The following BACE1 variants were observed in gnomAD, a reference collection of about 807,000 sequenced individuals.
BACE1 encodes the protein APP beta-secretase.
A neutral mutation model predicts 54.0 loss-of-function variants in BACE1; 21 were observed. The ratio of observed to expected loss-of-function variants is 0.39; its 90% confidence interval spans 0.28 to 0.56. The LOEUF is 0.56. Among genes scored for constraint, BACE1 ranks in the 20% least tolerant of loss-of-function variants. The pLI is 0.63. For synonymous variants in BACE1, 232 were observed against 260.9 expected, an observed-to-expected ratio of 0.89 and a Z score of 1.07; for missense variants, 511 against 661.2, an observed-to-expected ratio of 0.77 and a Z score of 2.49.
intron 1 of BACE1, among the ~76,000 whole-genome samples, chr11:117,307,699 T>C (rs537410162): frequency 1.3e-5 from 2 of 152,188 alleles, no homozygotes; most frequent in Non-Finnish European, 2.9e-5. Flanking sequence ...CTTAGTGCTT[T>C]TAGAGAGAGC....
Position 117,315,878 on chromosome 11 carries a change from TG to T in BACE1, c.-84del. ...GCCTGCCCCCAAGTCTGGGTGGTGC[TG>T]GTGGCTTCTCAGGAGAGGGAGCTTG... On this transcript the variant is annotated 5_prime_UTR_variant, in exon 1 of 9. Coordinates refer to ENST00000313005, the MANE Select transcript of BACE1 (RefSeq NM_012104.6). The surrounding 1 kb of genome is among the most constrained non-coding windows in gnomAD (Gnocchi z 5.5). 1 of 1,351,454 alleles carries T rather than the reference TG, an allele frequency of 7.4e-7. No homozygotes were observed. Among genetic ancestry groups the T allele is most frequent in the Non-Finnish European group, 9.5e-7 (1 of 1,054,968 alleles). 83.7% of individuals were successfully genotyped at this position (1,351,454 alleles called of 1,614,324 possible). A position where few individuals can be genotyped will look rare whatever the true frequency, so the allele number is the denominator to read the frequency against.
At chr11:117,298,074 G>A (rs2034643322) in intron 1 of BACE1, among the ~76,000 whole-genome samples, 1 of 152,162 alleles carries the variant, frequency 6.6e-6, no homozygotes. Flanking sequence ...GGCTAAGGCG[G>A]GTGGATCACT....
chr11:117,305,546 A>T (rs1415630933), intron 1 of BACE1, among the ~76,000 whole-genome samples: 1 of 151,194 alleles, frequency 6.6e-6, no homozygotes, highest in South Asian at 2.1e-4. Context: ...CTGGTTTTTC[A>T]AGGAGTCCCA....
Position 117,293,254 on chromosome 11 carries a change from A to G in BACE1, c.706-66T>C. The G allele has an allele frequency of 4.5e-6, 7 of 1,550,580 alleles. No individual in the cohort carries two copies. The highest frequency in any genetic ancestry group is 4.4e-6 in the Non-Finnish European group (5 of 1,143,214). ...AAGGAGAGTGAGTCCCCCAAGGACC[A>G]AGCAATAAGATCAGTGATTTCTTGG... On this transcript the variant is annotated intron_variant, in intron 4 of 8. Coordinates refer to ENST00000313005, the MANE Select transcript of BACE1 (RefSeq NM_012104.6). This position sits in a 1 kb window ranked among gnomAD's most constrained non-coding sequence, Gnocchi z 4.1.
intron 2 of BACE1, chr11:117,295,733 T>TA (rs1404021345): frequency 6.5e-5 from 90 of 1,379,672 alleles, no homozygotes; most frequent in Non-Finnish European, 8.4e-5. Flanking sequence ...TTGACTCTCT[T>TA]ACTGCCTTGG....
intron 3 of BACE1, among the ~76,000 whole-genome samples, chr11:117,294,800 G>A (rs186993587): frequency 3.3e-5 from 5 of 151,732 alleles, no homozygotes; most frequent in East Asian, 2.0e-4. Context: ...CAGGAAAATC[G>A]CTTGAACCGA....
intron 1 of BACE1, among the ~76,000 whole-genome samples, chr11:117,298,353 A>G (rs1256414733): frequency 1.3e-5 from 2 of 151,970 alleles, no homozygotes; most frequent in Non-Finnish European, 2.9e-5. Flanking sequence ...CTATGGAGTC[A>G]TAACATTTTG....
rs770033850 is a variant in BACE1 at position 117,293,776 on chromosome 11, G to A, written c.705+95C>T. On this transcript the variant is annotated intron_variant, in intron 4 of 8. Coordinates refer to ENST00000313005, the MANE Select transcript of BACE1 (RefSeq NM_012104.6). This position sits in a 1 kb window ranked among gnomAD's most constrained non-coding sequence, Gnocchi z 4.1. ...AGGTTCCTCCTGATTCTAAGTATCG[G>A]AGCCAAAACTGTGGTGTAGCTTTCA... The A allele has an allele frequency of 7.4e-7, 1 of 1,349,414 alleles. No individual in the cohort carries two copies. The allele number at this position is 1,349,414 out of a possible 1,614,324, so 83.6% of individuals were successfully genotyped here.
In BACE1 at chr11:117,291,831, G is replaced by C. The variant is rs1253669758; in HGVS notation, c.841-18C>G. 1 of 1,575,834 alleles carries C rather than the reference G, an allele frequency of 6.3e-7. No homozygotes were observed. The highest frequency in any genetic ancestry group is 8.7e-7 in the Non-Finnish European group (1 of 1,146,120). Reference sequence around the variant, plus strand: ...TAGTTGTACTAAGAGGGAAAAGAGAGAGTTAAAAGAGTCAAAAGGTTTTTG... The same window carrying C: ...TAGTTGTACTAAGAGGGAAAAGAGACAGTTAAAAGAGTCAAAAGGTTTTTG... On this transcript the variant is annotated intron_variant, in intron 5 of 8. Transcript: ENST00000313005.
chr11:117,297,209 A>C, intron 1 of BACE1: 3 of 452,376 alleles, frequency 6.6e-6, no homozygotes, highest in Non-Finnish European at 1.2e-5. Context: ...TGAAAAACCA[A>C]CTGAAAAAAG....
chr11:117,308,909 G>A (rs1243185221), intron 1 of BACE1, among the ~76,000 whole-genome samples: 3 of 152,050 alleles, frequency 2.0e-5, no homozygotes, highest in Non-Finnish European at 4.4e-5. Context: ...CTGAGATCGC[G>A]CCACTGCACT....
rs1429734760 is a variant in BACE1, at chr11:117,295,508, A to G, written c.351-161T>C. 7 of 1,536,322 alleles carry G rather than the reference A, an allele frequency of 4.6e-6. No homozygotes were observed. In the African/African-American group the frequency reaches 9.6e-5, roughly 21 times the overall value. On this transcript the variant is annotated intron_variant, in intron 2 of 8. Coordinates refer to ENST00000313005, the MANE Select transcript of BACE1 (RefSeq NM_012104.6). ...CATCCCTAGACTCACCACCCAGAAC[A>G]GAGTGTAAAGTGGGCTTGCAGATAG...
At position 117,285,766 on chromosome 11, in the gene BACE1, T is replaced by C. The variant is rs1232410835; in HGVS notation, c.*3800A>G. Reference sequence around the variant, plus strand: ...TTATACAGACATTAGGTTTACAGAATATTCTGTTTTACATCACCAAAATTC... The same window carrying C: ...TTATACAGACATTAGGTTTACAGAACATTCTGTTTTACATCACCAAAATTC... On this transcript the variant is annotated 3_prime_UTR_variant, in exon 9 of 9. Transcript: ENST00000313005. The C allele has an allele frequency of 6.6e-6, 1 of 152,280 alleles. No homozygotes were observed. The highest frequency in any genetic ancestry group is 2.4e-5 in the African/African-American group (1 of 41,446). 9.4% of individuals were successfully genotyped at this position (152,280 alleles called of 1,614,324 possible).
rs762876079 is a variant in BACE1 at position 117,295,108 on chromosome 11, G to C, written c.567+23C>G. On this transcript the variant is annotated intron_variant, in intron 3 of 8. Coordinates refer to ENST00000313005, the MANE Select transcript of BACE1 (RefSeq NM_012104.6). ...TAGTGCAGTGTGCATAGAGTGTGTAGGGCCAAGCCCTGTTCCTCTCACCCT... is the reference window on the plus strand; with the variant it reads ...TAGTGCAGTGTGCATAGAGTGTGTACGGCCAAGCCCTGTTCCTCTCACCCT... 5.6e-6 allele frequency: 9 copies of C among 1,604,306 alleles called. No homozygotes were observed. The East Asian group carries it at 1.6e-4, about 28-fold the overall frequency.
At chr11:117,295,738 C>T (rs2034583865) in intron 2 of BACE1, 5 of 1,446,332 alleles carry the variant, frequency 3.5e-6, no homozygotes, top group Non-Finnish European at 2.7e-6. Flanking sequence ...TCTCTTACTG[C>T]CTTGGAACCT....
In BACE1 at chr11:117,288,184, TAAGG is replaced by T; in HGVS notation, c.*1378_*1381del. ...CAAGGAGCTCTTGTGGTGGAGGACA[TAAGG>T]AAGCCCTGAGGCTGCCATCCTTTCT... On this transcript the variant is annotated 3_prime_UTR_variant, in exon 9 of 9. Transcript: ENST00000313005. 6.6e-6 allele frequency: 1 copy of T among 152,416 alleles called. No individual in the cohort carries two copies. The highest frequency in any genetic ancestry group is 1.9e-4 in the East Asian group (1 of 5,174). The allele number at this position is 152,416 out of a possible 1,614,324, so 9.4% of individuals were successfully genotyped here. A position where few individuals can be genotyped will look rare whatever the true frequency, so the allele number is the denominator to read the frequency against.
At chr11:117,299,645 T>C in intron 1 of BACE1, 1 of 400,752 alleles carries the variant, frequency 2.5e-6, no homozygotes. Flanking sequence ...CCTCTTCCCC[T>C]ACCTCTACCC....
At chr11:117,299,813 C>T (rs1038374132) in intron 1 of BACE1, 4 of 271,372 alleles carry the variant, frequency 1.5e-5, no homozygotes, top group South Asian at 3.0e-5. Flanking sequence ...GAACCCTCTT[C>T]CCCATTCTCA....
intron 1 of BACE1, 26 bp from the exon 2 acceptor site, chr11:117,296,987 A>G: frequency 6.4e-7 from 1 of 1,570,944 alleles, no homozygotes; most frequent in Non-Finnish European, 8.8e-7. Flanking sequence ...GAGAGAAAAG[A>G]CAGTATAGAC....
Sources: gnomAD v4.1 joint callset for allele counts (sites outside exome capture counted in the v4.1 genomes callset) on GRCh38, gnomAD v4.1.1 for gene constraint, Gnocchi (gnomAD v3.1) non-coding constraint, MANE v1.5 for transcripts, NCBI Gene and HGNC (gene_info 2026-07-23, HGNC 2026-07-21) for gene names.